Variants in MLLT3 observed in about 807,000 individuals in gnomAD.
The protein encoded by MLLT3 is MLLT3 super elongation complex subunit, also known as protein AF-9.
Under a neutral mutation model 53.2 loss-of-function variants are expected in MLLT3, and 4 were observed. The ratio of observed to expected loss-of-function variants is 0.08; its 90% CI spans 0.04 to 0.17. The LOEUF is 0.17. Among genes scored for constraint, MLLT3 ranks in the 10% least tolerant of loss-of-function variants. The pLI, the probability that MLLT3 is intolerant of heterozygous loss-of-function variation, is 1.00. For missense variants in MLLT3, 569 were observed against 684.0 expected, an observed-to-expected ratio of 0.83 and a Z score of 1.87; for synonymous variants, 283 against 230.6, an observed-to-expected ratio of 1.23 and a Z score of -2.06.
chr9:20,500,247 T>C (rs1386521028), intron 2 of MLLT3, among the ~76,000 whole-genome samples: 1 of 152,198 alleles, frequency 6.6e-6, no homozygotes, highest in African/African-American at 2.4e-5. Context: ...TTAATACAGT[T>C]GGTCTTCTCA....
At chr9:20,485,441 C>A (rs965270525) in intron 2 of MLLT3, among the ~76,000 whole-genome samples, 1 of 152,146 alleles carries the variant, frequency 6.6e-6, no homozygotes, top group African/African-American at 2.4e-5. Flanking sequence ...TATTTTGAGA[C>A]CACTTTTGGC....
intron 8 of MLLT3, among the ~76,000 whole-genome samples, chr9:20,358,060 C>G (rs1821216511): frequency 6.6e-6 from 1 of 150,770 alleles, no homozygotes; most frequent in Admixed American, 6.6e-5. Flanking sequence ...ATTTAGTTGA[C>G]TTTTAGATTT....
intron 2 of MLLT3, among the ~76,000 whole-genome samples, chr9:20,512,324 A>G (rs973529153): frequency 1.3e-5 from 2 of 152,310 alleles, no homozygotes; most frequent in Non-Finnish European, 2.9e-5. Flanking sequence ...TGAATCAGCA[A>G]TATCAGATGC....
chr9:20,507,722 T>C (rs933741187), intron 2 of MLLT3, among the ~76,000 whole-genome samples: 9 of 140,512 alleles, frequency 6.4e-5, no homozygotes, highest in African/African-American at 2.6e-4. Flanking sequence ...CAAAATGTCA[T>C]GTAGTCTATT....
chr9:20,595,887 C>T (rs1820248960), intron 2 of MLLT3, among the ~76,000 whole-genome samples: 1 of 152,198 alleles, frequency 6.6e-6, no homozygotes, highest in South Asian at 2.1e-4. Context: ...CTACCTAGCT[C>T]TGTCCAATAC....
intron 4 of MLLT3, among the ~76,000 whole-genome samples, chr9:20,425,234 G>A (rs923120040): frequency 3.3e-5 from 5 of 152,060 alleles, no homozygotes; most frequent in African/African-American, 1.2e-4. Context: ...TCATTAAAAT[G>A]GTATAATATG....
intron 4 of MLLT3, among the ~76,000 whole-genome samples, chr9:20,423,377 T>C (rs948925773): frequency 6.6e-6 from 1 of 152,156 alleles, no homozygotes; most frequent in Non-Finnish European, 1.5e-5. Context: ...GGCAGAACTA[T>C]ACAAATGAAG....
At chr9:20,377,414 C>G (rs1481350287) in intron 5 of MLLT3, among the ~76,000 whole-genome samples, 2 of 151,730 alleles carry the variant, frequency 1.3e-5, no homozygotes, top group Admixed American at 1.3e-4. Flanking sequence ...GGGCTCAGTA[C>G]TGGATTATAA....
At chr9:20,447,055 T>A (rs745708108) in intron 4 of MLLT3, among the ~76,000 whole-genome samples, 1 of 152,108 alleles carries the variant, frequency 6.6e-6, no homozygotes, top group Non-Finnish European at 1.5e-5. Flanking sequence ...ACTCAAAAAA[T>A]GGGGTCCACA....
At chr9:20,516,776 T>C (rs1046075215) in intron 2 of MLLT3, among the ~76,000 whole-genome samples, 2 of 152,218 alleles carry the variant, frequency 1.3e-5, no homozygotes, top group Non-Finnish European at 2.9e-5. Context: ...TTTCCAAATA[T>C]ATTTTCAGTA....
intron 8 of MLLT3, among the ~76,000 whole-genome samples, chr9:20,358,244 G>C (rs1821222371): frequency 2.0e-5 from 3 of 152,070 alleles, no homozygotes; most frequent in African/African-American, 7.2e-5. Context: ...ACCTTTACTT[G>C]TCCTCTCGGC....
intron 5 of MLLT3, among the ~76,000 whole-genome samples, chr9:20,391,338 G>C (rs1019019806): frequency 1.3e-5 from 2 of 152,196 alleles, no homozygotes; most frequent in Non-Finnish European, 2.9e-5. Flanking sequence ...AATGGAACAG[G>C]TGCCTGAAGA....
At chr9:20,508,226 A>G (rs990273797) in intron 2 of MLLT3, among the ~76,000 whole-genome samples, 1 of 152,190 alleles carries the variant, frequency 6.6e-6, no homozygotes, top group Non-Finnish European at 1.5e-5. Flanking sequence ...CACTTGAAAC[A>G]AGTAAGGATG....
chr9:20,346,857 A>T (rs1820883577), intron 10 of MLLT3, among the ~76,000 whole-genome samples: 1 of 152,094 alleles, frequency 6.6e-6, no homozygotes, highest in East Asian at 1.9e-4. Context: ...ACTGTGAGTG[A>T]GCAGTTAGGG....
intron 2 of MLLT3, among the ~76,000 whole-genome samples, chr9:20,480,961 C>T (rs1427715106): frequency 1.3e-5 from 2 of 152,074 alleles, no homozygotes; most frequent in African/African-American, 2.4e-5. Context: ...GTCATGAGAA[C>T]TATAATTTTA....
chr9:20,565,942 ATATATATATATT>A (rs1819350730), intron 2 of MLLT3, among the ~76,000 whole-genome samples: 5 of 12,434 alleles, frequency 4.0e-4, no homozygotes, highest in Admixed American at 1.3e-3. Flanking sequence ...ATATATTTAT[ATATATATATATT>A]TATATATATA....
intron 2 of MLLT3, among the ~76,000 whole-genome samples, chr9:20,545,856 C>CA (rs5896901): frequency 0.39 from 38,255 of 99,090 alleles, 6,492 homozygotes; most frequent in South Asian, 0.45. Flanking sequence ...CAGTCTCTAC[C>CA]AAAAAAAAAA....
chr9:20,420,546 TAAG>T (rs547716001), intron 4 of MLLT3, among the ~76,000 whole-genome samples: 5 of 152,318 alleles, frequency 3.3e-5, no homozygotes, highest in East Asian at 1.9e-4. Context: ...AGGTATTTAA[TAAG>T]AAGATTTAAA....
intron 7 of MLLT3, among the ~76,000 whole-genome samples, chr9:20,361,552 T>A (rs1049039873): frequency 6.6e-6 from 1 of 152,204 alleles, no homozygotes; most frequent in Non-Finnish European, 1.5e-5. Context: ...ATACAACAAT[T>A]CATTGGAAAT....
Sources: allele counts gnomAD v4.1 joint callset (sites outside exome capture counted in the v4.1 genomes callset), GRCh38; gene constraint gnomAD v4.1.1; transcripts MANE v1.5; gene names NCBI Gene and HGNC (gene_info 2026-07-23, HGNC 2026-07-21).